ARPC3: variants seen among roughly 807,000 people sequenced by gnomAD.
ARPC3 encodes the protein actin related protein 2/3 complex subunit 3.
In ARPC3, 12 loss-of-function variants were observed where a neutral mutation model predicts 27.6. The observed-to-expected ratio is 0.43, with a 90% CI of 0.28 to 0.70. ARPC3 has a LOEUF of 0.70. ARPC3 is among the 30% of genes least tolerant of loss of function. The pLI, the probability that ARPC3 is intolerant of heterozygous loss-of-function variation, is 0.17. For synonymous variants in ARPC3, 53 were observed against 67.2 expected (o/e 0.79, Z 1.03); for missense variants, 153 against 207.7 (o/e 0.74, Z 1.62).
Position 110,434,886 on chromosome 12 carries a change from A to G in ARPC3, c.*269T>C. On this transcript the variant is annotated 3_prime_UTR_variant, in exon 7 of 7. Transcript: ENST00000228825. ...TAAGTGAATGTCAAAGACTGGCAAT[A>G]AAGTTTTTCTGACATGGAATGTTAG... 1.6e-6 allele frequency: 1 copy of G among 622,884 alleles called. No homozygotes were observed. Among genetic ancestry groups the G allele is most frequent in the South Asian group, 1.6e-5 (1 of 61,592 alleles). The allele number at this position is 622,884 out of a possible 1,614,324, so 38.6% of individuals were successfully genotyped here.
chr12:110,436,987 C>T (rs756448934), intron 4 of ARPC3, 97 bp downstream of exon 4: 2 of 916,484 alleles, frequency 2.2e-6, no homozygotes, highest in Non-Finnish European at 1.8e-6. Flanking sequence ...ATATTTTCTA[C>T]TTGTCTTTAA....
intron 6 of ARPC3, among the ~76,000 whole-genome samples, chr12:110,435,656 C>T (rs2062399363): frequency 6.7e-6 from 1 of 149,922 alleles, no homozygotes; most frequent in Non-Finnish European, 1.5e-5. Context: ...CAAAGTCTCA[C>T]TCTGTCATTC....
chr12:110,450,327 G>A lies in ARPC3; in HGVS notation c.-67C>T. 6.2e-7 allele frequency: 1 copy of A among 1,608,628 alleles called. No homozygotes were observed. Among genetic ancestry groups the A allele is most frequent in the African/African-American group, 1.3e-5 (1 of 74,970 alleles). On this transcript the variant is annotated 5_prime_UTR_variant, in exon 1 of 7. Coordinates refer to ENST00000228825, the MANE Select transcript of ARPC3 (RefSeq NM_001278556.2). Reference sequence around the variant, plus strand: ...GGTACAGCGGAGCGCTTCCGGTCTGGCAGCCTGGGCGAGGTAGGCGGAAGC... The same window carrying A: ...GGTACAGCGGAGCGCTTCCGGTCTGACAGCCTGGGCGAGGTAGGCGGAAGC...
chr12:110,438,500 G>A (rs2062417795), intron 3 of ARPC3, among the ~76,000 whole-genome samples: 1 of 150,490 alleles, frequency 6.6e-6, no homozygotes. Context: ...TTGGGAGGCT[G>A]AGGCAGGAGA....
At chr12:110,448,501 ACT>A (rs1158575990) in intron 1 of ARPC3, among the ~76,000 whole-genome samples, 3 of 151,446 alleles carry the variant, frequency 2.0e-5, no homozygotes, top group East Asian at 2.0e-4. Flanking sequence ...ACATGGTGAG[ACT>A]CTGTCTCTAC....
In ARPC3 at chr12:110,440,272, T is replaced by C. The variant is rs370070766; in HGVS notation, c.183+40A>G. On this transcript the variant is annotated intron_variant, in intron 3 of 6. Coordinates refer to ENST00000228825, the MANE Select transcript of ARPC3 (RefSeq NM_001278556.2). ...GATAGCAAGGTTGGTATTATCCCTA[T>C]GAGAAAACTAAGTTAAATATTAAAA... 5.0e-6 allele frequency: 7 copies of C among 1,386,854 alleles called. No individual in the cohort carries two copies. In the African/African-American group the frequency reaches 5.7e-5, roughly 11 times the overall value. The allele number at this position is 1,386,854 out of a possible 1,614,324, so 85.9% of individuals were successfully genotyped here.
At chr12:110,440,527 T>C in intron 2 of ARPC3, 139 bp from the exon 3 acceptor site, 1 of 673,246 alleles carries the variant, frequency 1.5e-6, no homozygotes, top group East Asian at 2.7e-5. Context: ...CCTATTGAAA[T>C]ACAAAGTTTT....
intron 2 of ARPC3, among the ~76,000 whole-genome samples, chr12:110,442,027 G>A (rs1197993583): frequency 3.5e-5 from 5 of 144,418 alleles, no homozygotes; most frequent in African/African-American, 5.1e-5. Context: ...TCAAAACTCT[G>A]TCTCCAAAAA....
rs368898128 is a variant in ARPC3, at chr12:110,436,215, A to G, written c.380-11T>C. 3 of 1,604,876 alleles carry G rather than the reference A, an allele frequency of 1.9e-6. No homozygotes were observed. The African/African-American group carries it at 4.0e-5, about 21-fold the overall frequency. On this transcript the variant is annotated splice_polypyrimidine_tract_variant and intron_variant, in intron 5 of 6. Coordinates refer to ENST00000228825, the MANE Select transcript of ARPC3 (RefSeq NM_001278556.2). ...AGGCTCTCATCACTTCTAAAACAGAACAATTTAAAAAAAACTGTATTTGCA... is the reference window on the plus strand; with the variant it reads ...AGGCTCTCATCACTTCTAAAACAGAGCAATTTAAAAAAAACTGTATTTGCA...
At chr12:110,449,309 T>C (rs2062485688) in intron 1 of ARPC3, among the ~76,000 whole-genome samples, 2 of 151,828 alleles carry the variant, frequency 1.3e-5, no homozygotes, top group South Asian at 4.2e-4. Context: ...ACGCTTATAA[T>C]CCCAGCACTT....
At chr12:110,446,647 C>T (rs1339691900) in intron 1 of ARPC3, among the ~76,000 whole-genome samples, 3 of 139,680 alleles carry the variant, frequency 2.1e-5, no homozygotes, top group South Asian at 2.2e-4. Flanking sequence ...CTTGCCCTGT[C>T]GCCCAGGATG....
chr12:110,440,011 G>A (rs1039822759), intron 3 of ARPC3, among the ~76,000 whole-genome samples: 1 of 152,280 alleles, frequency 6.6e-6, no homozygotes, highest in African/African-American at 2.4e-5. Context: ...TGGTGTGAAA[G>A]TAACTATAGA....
chr12:110,436,359 G>GTT, intron 5 of ARPC3, 155 bp from the exon 6 acceptor site: 1 of 1,132,400 alleles, frequency 8.8e-7, no homozygotes, highest in South Asian at 1.4e-5. Flanking sequence ...AACTATATTT[G>GTT]TTTTTGTTCA....
chr12:110,435,298 C>T (rs926766288), intron 6 of ARPC3, 81 bp from the exon 7 acceptor site: 6 of 1,011,302 alleles, frequency 5.9e-6, no homozygotes, highest in Admixed American at 5.8e-5. Flanking sequence ...TAAAATTTCA[C>T]ATTAGTCTGG....
chr12:110,435,503 G>A (rs2062398206), intron 6 of ARPC3, among the ~76,000 whole-genome samples: 1 of 151,892 alleles, frequency 6.6e-6, no homozygotes, highest in Non-Finnish European at 1.5e-5. Flanking sequence ...CTAATTTTTT[G>A]TATTTTTTAG....
At chr12:110,445,406 T>G in intron 2 of ARPC3, 46 bp downstream of exon 2, 1 of 1,359,976 alleles carries the variant, frequency 7.4e-7, no homozygotes, top group Non-Finnish European at 1.1e-6. Flanking sequence ...CAGAAGATTG[T>G]TAGGCATTTC....
chr12:110,450,217 T>C, intron 1 of ARPC3, 38 bp downstream of exon 1: 12 of 1,613,728 alleles, frequency 7.4e-6, no homozygotes, highest in Non-Finnish European at 1.0e-5. Context: ...CTCTTCGCAA[T>C]CCCCGCTGTC....
In ARPC3 at chr12:110,436,593, C is replaced by A; in HGVS notation, c.343G>T (p.Ala115Ser). The change falls in exon 5 of 7, where the codon GCA (alanine) becomes TCA (serine). Residue 115 changes from alanine to serine, a missense_variant. Coordinates refer to ENST00000228825, the MANE Select transcript of ARPC3 (RefSeq NM_001278556.2). ...IPGEPGFPLN[A>S]IYAKPANKQE... is the part of the protein sequence containing the mutation. ...TTGTTTGCAGGTTTGGCATAAATTG[C>A]GTTAAGTGGAAAACCAGGCTCTCCA... The A allele has an allele frequency of 1.2e-6, 2 of 1,613,078 alleles. No individual in the cohort carries two copies. The highest frequency in any genetic ancestry group is 1.7e-6 in the Non-Finnish European group (2 of 1,179,610).
intron 2 of ARPC3, among the ~76,000 whole-genome samples, chr12:110,443,268 G>A (rs1304476058): frequency 4.0e-5 from 6 of 151,870 alleles, no homozygotes; most frequent in South Asian, 2.1e-4. Flanking sequence ...ACAGGAGCCC[G>A]CCACCACGCT....
Sources: allele counts gnomAD v4.1 joint callset (sites outside exome capture counted in the v4.1 genomes callset), GRCh38; gene constraint gnomAD v4.1.1; transcripts MANE v1.5; gene names NCBI Gene and HGNC (gene_info 2026-07-23, HGNC 2026-07-21).